The following MPP7 variants were observed in gnomAD, a reference collection of about 807,000 sequenced individuals.
MPP7 encodes the protein MAGUK p55 subfamily member 7.
In MPP7, 60 loss-of-function variants were observed where a neutral mutation model predicts 76.5. The observed-to-expected ratio is 0.78, with a 90% confidence interval of 0.64 to 0.97. MPP7 has a LOEUF of 0.97. Among genes scored for constraint, MPP7 ranks in the 50% least tolerant of loss-of-function variants. The pLI is 0.00. For synonymous variants in MPP7, 237 were observed against 244.5 expected (o/e 0.97, Z 0.29); for missense variants, 641 against 694.0 (o/e 0.92, Z 0.86).
chr10:28,119,524 G>C (rs1198109867), intron 11 of MPP7, 127 bp downstream of exon 11: 1 of 682,020 alleles, frequency 1.5e-6, no homozygotes, highest in Non-Finnish European at 2.6e-6. Context: ...GTTTGTTCCT[G>C]AGAACTGATG....
intron 6 of MPP7, among the ~76,000 whole-genome samples, chr10:28,129,302 T>G (rs954366126): frequency 6.6e-6 from 1 of 152,196 alleles, no homozygotes; most frequent in African/African-American, 2.4e-5. Flanking sequence ...AAATTACTTA[T>G]TTTCCTACAT....
intron 2 of MPP7, chr10:28,236,647 T>C (rs1839085461): frequency 6.6e-6 from 1 of 151,976 alleles, no homozygotes; most frequent in Non-Finnish European, 1.5e-5. Flanking sequence ...CTTCGTGAAA[T>C]AAGCAAGAAG....
intron 1 of MPP7, among the ~76,000 whole-genome samples, chr10:28,281,822 G>C (rs569900605): frequency 3.7e-4 from 56 of 152,182 alleles, no homozygotes; most frequent in African/African-American, 1.3e-3. Context: ...AGCAGGGCTG[G>C]AATTTAGAAG....
At chr10:28,068,071 G>T (rs1311104847) in intron 13 of MPP7, among the ~76,000 whole-genome samples, 3 of 151,326 alleles carry the variant, frequency 2.0e-5, no homozygotes, top group Non-Finnish European at 4.4e-5. Flanking sequence ...TTTTTTCTTT[G>T]TAATCTGTTT....
chr10:28,247,530 C>T (rs1288775249), intron 1 of MPP7, among the ~76,000 whole-genome samples: 2 of 152,138 alleles, frequency 1.3e-5, no homozygotes, highest in African/African-American at 4.8e-5. Flanking sequence ...TTATATATAA[C>T]ACAAACAACT....
At chr10:28,271,566 A>T (rs958203368) in intron 1 of MPP7, among the ~76,000 whole-genome samples, 1 of 152,262 alleles carries the variant, frequency 6.6e-6, no homozygotes, top group African/African-American at 2.4e-5. Context: ...ATAAATTTTG[A>T]AAGGTAGGGA....
intron 3 of MPP7, among the ~76,000 whole-genome samples, chr10:28,172,631 T>C (rs1836721739): frequency 6.6e-6 from 1 of 152,158 alleles, no homozygotes; most frequent in African/African-American, 2.4e-5. Flanking sequence ...ATAAATCTAA[T>C]AAAGCATGAA....
chr10:28,109,980 C>T (rs942397586), intron 11 of MPP7, among the ~76,000 whole-genome samples: 5 of 148,766 alleles, frequency 3.4e-5, no homozygotes, highest in Non-Finnish European at 7.4e-5. Context: ...TATTTTTAAA[C>T]ATCATGCAGG....
At chr10:28,163,188 A>T (rs1052645572) in intron 3 of MPP7, among the ~76,000 whole-genome samples, 1 of 152,110 alleles carries the variant, frequency 6.6e-6, no homozygotes, top group African/African-American at 2.4e-5. Flanking sequence ...CTGTCTGAAC[A>T]CATCCCTTCC....
chr10:28,246,189 T>C (rs1356169041), intron 1 of MPP7, among the ~76,000 whole-genome samples: 1 of 152,002 alleles, frequency 6.6e-6, no homozygotes, highest in Non-Finnish European at 1.5e-5. Flanking sequence ...ACAGAGAGAA[T>C]CTTGAAAGCA....
At chr10:28,156,380 T>C (rs1836062053) in intron 3 of MPP7, among the ~76,000 whole-genome samples, 1 of 152,158 alleles carries the variant, frequency 6.6e-6, no homozygotes, top group Non-Finnish European at 1.5e-5. Flanking sequence ...GAGATTCTCG[T>C]CTCCCTTTGA....
At chr10:28,157,831 AC>A (rs1254654987) in intron 3 of MPP7, among the ~76,000 whole-genome samples, 1 of 152,212 alleles carries the variant, frequency 6.6e-6, no homozygotes, top group African/African-American at 2.4e-5. Flanking sequence ...CAACAGTCTT[AC>A]CCAATCAAAA....
At chr10:28,160,636 A>C (rs1409660801) in intron 3 of MPP7, among the ~76,000 whole-genome samples, 1 of 152,252 alleles carries the variant, frequency 6.6e-6, no homozygotes, top group Admixed American at 6.5e-5. Context: ...ACTATCTCTG[A>C]ATACATGAAT....
chr10:28,178,004 T>C (rs1391497292), intron 3 of MPP7, among the ~76,000 whole-genome samples: 1 of 152,124 alleles, frequency 6.6e-6, no homozygotes, highest in African/African-American at 2.4e-5. Flanking sequence ...AAATGGCTCT[T>C]TATTCTGGGA....
chr10:28,115,287 T>A (rs1397781117), intron 11 of MPP7, among the ~76,000 whole-genome samples: 6 of 152,100 alleles, frequency 3.9e-5, no homozygotes. Context: ...GTATTTTTAG[T>A]AGAGACGGGG....
At chr10:28,187,132 A>C (rs1837263206) in intron 3 of MPP7, among the ~76,000 whole-genome samples, 1 of 152,168 alleles carries the variant, frequency 6.6e-6, no homozygotes, top group Non-Finnish European at 1.5e-5. Flanking sequence ...CACCATGTAA[A>C]TCTCACAATA....
chr10:28,220,863 C>A (rs916798155), intron 2 of MPP7, among the ~76,000 whole-genome samples: 6 of 152,098 alleles, frequency 3.9e-5, no homozygotes, highest in Admixed American at 2.0e-4. Context: ...ACATCAAGCA[C>A]AAGGTTGGCC....
Position 28,069,831 on chromosome 10 carries a change from T to C in MPP7, c.1145A>G (p.Asn382Ser). 1 of 1,613,964 alleles carries C rather than the reference T, an allele frequency of 6.2e-7. No individual in the cohort carries two copies. The highest frequency in any genetic ancestry group is 8.5e-7 in the Non-Finnish European group (1 of 1,179,976). Residue 382 changes from asparagine (N) to serine (S), a missense_variant, in exon 13 of 17, where the codon AAT becomes AGT. Physicochemically the swap from Asn to Ser is conservative, Grantham distance 46. Coordinates refer to ENST00000683449, the MANE Select transcript of MPP7 (RefSeq NM_001318170.2). ...VLVGPVGVGL[N>S]ELKRKLLISD... ...GATCAGCAGCTTTCGTTTCAGTTCA[T>C]TCAGCCCTACTCCCACGGGACCTGA...
chr10:28,245,650 G>T (rs540858142), intron 1 of MPP7, among the ~76,000 whole-genome samples: 1 of 147,064 alleles, frequency 6.8e-6, no homozygotes, highest in Non-Finnish European at 1.5e-5. Context: ...ACAGATGGCC[G>T]CTTTTATCAC....
Sources: gnomAD v4.1 joint callset for allele counts (sites outside exome capture counted in the v4.1 genomes callset) on GRCh38, gnomAD v4.1.1 for gene constraint, MANE v1.5 for transcripts, NCBI Gene and HGNC (gene_info 2026-07-23, HGNC 2026-07-21) for gene names.